The following SI variants were observed in gnomAD, a reference collection of about 807,000 sequenced individuals.
SI encodes the protein sucrase-isomaltase.
A neutral mutation model predicts 253.3 loss-of-function variants in SI; 235 were observed. The observed-to-expected ratio is 0.93, with a 90% CI of 0.83 to 1.03. The LOEUF (loss-of-function observed/expected upper bound fraction) is 1.03, where lower values mean the gene tolerates loss of function less well. Among genes scored for constraint, SI ranks in the 50% least tolerant of loss-of-function variants. The probability of loss-of-function intolerance (pLI) is 0.00; values close to 1 mark genes in which losing one functional copy is unlikely to be tolerated. For missense variants in SI, 2,442 were observed against 2,211.1 expected, an observed-to-expected ratio of 1.10 and a Z score of -2.09; for synonymous variants, 819 against 712.0, an observed-to-expected ratio of 1.15 and a Z score of -2.39.
At chr3:165,056,541 C>T (rs1576913843) in intron 12 of SI, among the ~76,000 whole-genome samples, 1 of 152,188 alleles carries the variant, frequency 6.6e-6, no homozygotes, top group Non-Finnish European at 1.5e-5. Flanking sequence ...TTGCATACAC[C>T]ACCCCTCTCA....
At chr3:165,059,411 T>C in intron 10 of SI, 112 bp from the exon 11 acceptor site, 2 of 1,057,222 alleles carry the variant, frequency 1.9e-6, no homozygotes, top group Non-Finnish European at 2.9e-6. Flanking sequence ...AAAAAATAAA[T>C]GAACGTCCAT....
At chr3:165,027,997 G>A (rs151300275) in intron 25 of SI, among the ~76,000 whole-genome samples, 1 of 151,432 alleles carries the variant, frequency 6.6e-6, no homozygotes, top group Non-Finnish European at 1.5e-5. Context: ...AAGTCAAACT[G>A]TCGCTCTTTG....
At chr3:165,079,468 A>T (rs1715206906), upstream of SI, among the ~76,000 whole-genome samples, 1 of 151,728 alleles carries the variant, frequency 6.6e-6, no homozygotes, top group Admixed American at 6.6e-5. Context: ...AAGAAAATTT[A>T]AAAAAAGTAT....
In SI at chr3:164,996,563, G is replaced by A. The variant is rs769560102; in HGVS notation, c.4664C>T (p.Ser1555Leu). 3.8e-6 allele frequency: 6 copies of A among 1,597,462 alleles called. No homozygotes were observed. The highest frequency in any genetic ancestry group is 1.7e-4 in the Middle Eastern group (1 of 6,022). ...AGTATTTGCAATGTTGTGATTCCTT[G>A]AGTATGGATAAAATGCTCCAAGTTG... ...WMQLGAFYPY[S>L]RNHNIANTRR... Residue 1555 changes from serine (S) to leucine (L), a missense_variant, in exon 40 of 48, where the codon TCA becomes TTA. Transcript: ENST00000264382.
In SI at chr3:164,997,955, G is replaced by A. The variant is rs553707493; in HGVS notation, c.4540+585C>T. Among the ~76,000 whole-genome samples, 22 of 151,700 alleles carry A rather than the reference G, an allele frequency of 1.5e-4. No homozygotes were observed. In the South Asian group the frequency reaches 2.3e-3, roughly 16 times the overall value. ...AACTGGCGAATTCCATGTCTTTGTC[G>A]AAGAGTGTCTTTTGTGAATAGTGTT... is the stretch of plus-strand genomic sequence containing the variant. On this transcript the variant is annotated intron_variant, in intron 38 of 47. Transcript: ENST00000264382.
chr3:165,042,440 G>T (rs568919381), intron 17 of SI, among the ~76,000 whole-genome samples: 1 of 152,076 alleles, frequency 6.6e-6, no homozygotes, highest in South Asian at 2.1e-4. Flanking sequence ...TATTCTCTCC[G>T]AAAAACATGC....
chr3:165,074,474 A>G (rs1714811342), intron 3 of SI, 57 bp downstream of exon 3: 4 of 1,087,352 alleles, frequency 3.7e-6, no homozygotes, highest in East Asian at 2.8e-5. Context: ...TTCAGCAATT[A>G]TCTTAATATA....
intron 34 of SI, among the ~76,000 whole-genome samples, chr3:165,010,612 A>C (rs1308320693): frequency 6.6e-6 from 1 of 152,226 alleles, no homozygotes. Context: ...AACAAATGGT[A>C]GTGCCAGATC....
At chr3:164,981,296 C>T (rs1717178763) in intron 47 of SI, among the ~76,000 whole-genome samples, 1 of 151,956 alleles carries the variant, frequency 6.6e-6, no homozygotes, top group South Asian at 2.1e-4. Context: ...GTCAACAAAA[C>T]AGCAGTAGCA....
chr3:165,058,945 A>G lies in SI; in HGVS notation c.1398+18T>C. 1 of 1,606,566 alleles carries G rather than the reference A, an allele frequency of 6.2e-7. No homozygotes were observed. The highest frequency in any genetic ancestry group is 8.5e-7 in the Non-Finnish European group (1 of 1,174,186). On this transcript the variant is annotated intron_variant, in intron 12 of 47. Coordinates refer to ENST00000264382, the MANE Select transcript of SI (RefSeq NM_001041.4). ...AGAAAATTTGAGCAACATAGTTTTA[A>G]TAAATATCATATTTTACCTCTCCAA...
intron 12 of SI, among the ~76,000 whole-genome samples, chr3:165,058,750 A>G (rs1713825837): frequency 6.6e-6 from 1 of 151,848 alleles, no homozygotes; most frequent in Non-Finnish European, 1.5e-5. Flanking sequence ...ATATCTTTAC[A>G]TTTTTCATGA....
At chr3:165,030,892 AAAAAAAG>A in intron 24 of SI, 25 bp from the exon 25 acceptor site, 1 of 1,490,398 alleles carries the variant, frequency 6.7e-7, no homozygotes, top group African/African-American at 1.5e-5. Context: ...AAAAAAAAAG[AAAAAAAG>A]AAAAAAAAAA....
chr3:165,038,562 A>AT (rs1416776161), intron 20 of SI, among the ~76,000 whole-genome samples: 5 of 151,188 alleles, frequency 3.3e-5, no homozygotes, highest in Non-Finnish European at 7.4e-5. Context: ...AAATTCAAAA[A>AT]AAAAAAATAA....
chr3:164,989,260 G>A (rs373693031), intron 44 of SI, among the ~76,000 whole-genome samples: 2 of 150,790 alleles, frequency 1.3e-5, no homozygotes, highest in South Asian at 4.2e-4. Flanking sequence ...CAGGGGAATC[G>A]CTGGAACCCA....
intron 25 of SI, among the ~76,000 whole-genome samples, chr3:165,027,378 A>G (rs756694316): frequency 6.6e-6 from 1 of 151,410 alleles, no homozygotes; most frequent in Non-Finnish European, 1.5e-5. Context: ...CCAGAAATTC[A>G]AAGAATAATT....
At chr3:164,980,883 G>A (rs1051630693) in intron 47 of SI, among the ~76,000 whole-genome samples, 1 of 151,880 alleles carries the variant, frequency 6.6e-6, no homozygotes, top group Admixed American at 6.6e-5. Flanking sequence ...GTAAATAAAA[G>A]GTAAGATATT....
chr3:165,034,963 TG>T, intron 22 of SI, among the ~76,000 whole-genome samples: 1 of 151,920 alleles, frequency 6.6e-6, no homozygotes, highest in South Asian at 2.1e-4. Context: ...GTGGTGACAG[TG>T]GGGGAACTGA....
chr3:164,979,564 C>T (rs1394357263), intron 47 of SI, 134 bp from the exon 48 acceptor site: 3 of 551,240 alleles, frequency 5.4e-6, no homozygotes, highest in African/African-American at 3.8e-5. Flanking sequence ...GAAATTTTTA[C>T]TCTCAGAAAG....
In SI at chr3:165,017,756, C is replaced by A; in HGVS notation, c.3633+5G>T. ...AATTTTTTTAAAAGAAATATGCAAT[C>A]ATACTTCATGGTATTGCTTTGTTGC... On this transcript the variant is annotated splice_donor_5th_base_variant and intron_variant, in intron 30 of 47. Coordinates refer to ENST00000264382, the MANE Select transcript of SI (RefSeq NM_001041.4). 1 of 1,607,302 alleles carries A rather than the reference C, an allele frequency of 6.2e-7. No individual in the cohort carries two copies. The highest frequency in any genetic ancestry group is 1.1e-5 in the South Asian group (1 of 90,782).
Sources: gnomAD v4.1 joint callset for allele counts (sites outside exome capture counted in the v4.1 genomes callset) on GRCh38, gnomAD v4.1.1 for gene constraint, MANE v1.5 for transcripts, NCBI Gene and HGNC (gene_info 2026-07-23, HGNC 2026-07-21) for gene names.